Variants in ATXN2 observed in about 807,000 individuals in gnomAD.
ATXN2 encodes ataxin-2.
Under a neutral mutation model 138.6 loss-of-function variants are expected in ATXN2, and 37 were observed. That is an observed-to-expected ratio of 0.27 (90% CI 0.21 to 0.35). The LOEUF is 0.35. Among genes scored for constraint, ATXN2 ranks in the 10% least tolerant of loss-of-function variants. The probability of loss-of-function intolerance (pLI) is 1.00; values close to 1 mark genes in which losing one functional copy is unlikely to be tolerated. For missense variants in ATXN2, 1,216 were observed against 1,480.3 expected (o/e 0.82, Z 2.93); for synonymous variants, 549 against 543.7 (o/e 1.01, Z -0.13).
intron 14 of ATXN2, among the ~76,000 whole-genome samples, chr12:111,492,412 A>G (rs905403801): frequency 6.6e-6 from 1 of 152,250 alleles, no homozygotes; most frequent in Non-Finnish European, 1.5e-5. Context: ...AGCCGGATGC[A>G]GTGGCTAACG....
chr12:111,571,684 T>C (rs1266390689), intron 1 of ATXN2, among the ~76,000 whole-genome samples: 3 of 152,144 alleles, frequency 2.0e-5, no homozygotes, highest in African/African-American at 7.2e-5. Context: ...CCATGGCCTA[T>C]TTTCACATGG....
At chr12:111,517,377 T>C (rs1566037699) in intron 9 of ATXN2, among the ~76,000 whole-genome samples, 1 of 152,184 alleles carries the variant, frequency 6.6e-6, no homozygotes. Context: ...AGTGTCCATT[T>C]GGAGAGGAAT....
At chr12:111,454,843 A>G in intron 23 of ATXN2, 1 of 525,724 alleles carries the variant, frequency 1.9e-6, no homozygotes, top group Non-Finnish European at 3.4e-6. Context: ...ATGCCTACTT[A>G]GCCACCAGCC....
intron 3 of ATXN2, among the ~76,000 whole-genome samples, chr12:111,553,736 G>T (rs929198792): frequency 6.6e-6 from 1 of 151,206 alleles, no homozygotes; most frequent in African/African-American, 2.4e-5. Context: ...AAGTCACTAG[G>T]ACTACAGGCA....
At position 111,598,347 on chromosome 12, in the gene ATXN2, T is replaced by TC; in HGVS notation, c.251+436dup. 2.0e-6 allele frequency: 2 copies of TC among 990,348 alleles called. No homozygotes were observed. The highest frequency in any genetic ancestry group is 2.4e-6 in the Non-Finnish European group (2 of 832,804). The allele number at this position is 990,348 out of a possible 1,614,324, so 61.3% of individuals were successfully genotyped here. A position where few individuals can be genotyped will look rare whatever the true frequency, so the allele number is the denominator to read the frequency against. ...ATGTCCCCCATGGAGGGGGACATGT[T>TC]CCGGAAAACGCCACCACAGCCTCCA... is the stretch of plus-strand genomic sequence containing the variant. On this transcript the variant is annotated intron_variant, in intron 1 of 24. Transcript: ENST00000673436. This position sits in a 1 kb window ranked among gnomAD's most constrained non-coding sequence, Gnocchi z 4.5.
chr12:111,581,679 T>C (rs1884014174), intron 1 of ATXN2: 1 of 697,292 alleles, frequency 1.4e-6, no homozygotes, highest in Non-Finnish European at 2.7e-6. Flanking sequence ...GCCTATGCCT[T>C]TACCGCCAAG....
At chr12:111,589,608 CCAA>C (rs1884543397) in intron 1 of ATXN2, among the ~76,000 whole-genome samples, 1 of 141,412 alleles carries the variant, frequency 7.1e-6, no homozygotes, top group Non-Finnish European at 1.5e-5. Flanking sequence ...CCCATCTCTA[CCAA>C]TAATACAAAA....
chr12:111,563,771 A>C (rs961997112), intron 1 of ATXN2, among the ~76,000 whole-genome samples: 1 of 152,206 alleles, frequency 6.6e-6, no homozygotes, highest in Non-Finnish European at 1.5e-5. Flanking sequence ...AACTCTATTT[A>C]ATGCATTGTC....
At chr12:111,544,371 C>T (rs190688199) in intron 5 of ATXN2, among the ~76,000 whole-genome samples, 80 of 152,284 alleles carry the variant, frequency 5.3e-4, no homozygotes, top group Non-Finnish European at 8.7e-4. Flanking sequence ...TGTATTAAGG[C>T]ACTGAATTTC....
Position 111,520,187 on chromosome 12 carries a change from G to A in ATXN2, c.789-111C>T, listed in dbSNP as rs7134907. 0.02 allele frequency: 27,412 copies of A among 1,344,396 alleles called. 4,345 individuals carry two copies. The African/African-American group carries it at 0.35, about 17-fold the overall frequency. 83.3% of individuals were successfully genotyped at this position (1,344,396 alleles called of 1,614,324 possible). A position where few individuals can be genotyped will look rare whatever the true frequency, so the allele number is the denominator to read the frequency against. ...AGAGTTTAGAATACTGGTAAAAACAGAAACTAAAACTAAAACTAAAACTAA... is the reference window on the plus strand; with the variant it reads ...AGAGTTTAGAATACTGGTAAAAACAAAAACTAAAACTAAAACTAAAACTAA... On this transcript the variant is annotated intron_variant, in intron 7 of 24. Coordinates refer to ENST00000673436, the MANE Select transcript of ATXN2 (RefSeq NM_001372574.1).
At chr12:111,485,447 C>A in intron 17 of ATXN2, 116 bp from the exon 18 acceptor site, 1 of 1,083,322 alleles carries the variant, frequency 9.2e-7, no homozygotes, top group Non-Finnish European at 1.3e-6. Flanking sequence ...TCCTGATTCT[C>A]CATTAGTCAT....
At chr12:111,472,289 A>G (rs1465709586) in intron 18 of ATXN2, among the ~76,000 whole-genome samples, 2 of 152,196 alleles carry the variant, frequency 1.3e-5, no homozygotes, top group Non-Finnish European at 2.9e-5. Flanking sequence ...GGTAGGGGAC[A>G]GGAGGGGAAG....
chr12:111,514,440 T>A (rs568757148), intron 10 of ATXN2, among the ~76,000 whole-genome samples: 1 of 152,314 alleles, frequency 6.6e-6, no homozygotes, highest in Non-Finnish European at 1.5e-5. Context: ...TTCCCTAATG[T>A]CAAAGCCAAA....
intron 5 of ATXN2, among the ~76,000 whole-genome samples, chr12:111,543,686 T>G (rs1881655310): frequency 6.6e-6 from 1 of 152,192 alleles, no homozygotes; most frequent in Non-Finnish European, 1.5e-5. Flanking sequence ...CCATTTTTCT[T>G]GAATTTATTC....
chr12:111,463,570 T>C (rs1353373350), intron 21 of ATXN2, among the ~76,000 whole-genome samples: 1 of 151,830 alleles, frequency 6.6e-6, no homozygotes, highest in Non-Finnish European at 1.5e-5. Flanking sequence ...AGCCACCACG[T>C]CCGGCCCTTA....
chr12:111,583,766 C>CAAAAAA (rs748838859), intron 1 of ATXN2, among the ~76,000 whole-genome samples: 33 of 58,032 alleles, frequency 5.7e-4, no homozygotes, highest in South Asian at 2.1e-3. Context: ...GACTCCGACT[C>CAAAAAA]AAAAAAAAAA....
chr12:111,496,752 A>G (rs1295154275), intron 14 of ATXN2, among the ~76,000 whole-genome samples: 1 of 152,144 alleles, frequency 6.6e-6, no homozygotes, highest in Non-Finnish European at 1.5e-5. Context: ...CAATAAGAGG[A>G]ATGTTTACAG....
rs569527467 is a variant in ATXN2, at chr12:111,556,458, T to G, written c.252-539A>C. Among the ~76,000 whole-genome samples the G allele has an allele frequency of 4.6e-5, 7 of 152,270 alleles. No homozygotes were observed. In the East Asian group the frequency reaches 1.4e-3, roughly 29 times the overall value. On this transcript the variant is annotated intron_variant, in intron 1 of 24. Coordinates refer to ENST00000673436, the MANE Select transcript of ATXN2 (RefSeq NM_001372574.1). ...AGCAAAACACGGATTATATTCTTGA[T>G]TTAACCAACACAGATGACTGACACC...
chr12:111,470,500 A>T, intron 19 of ATXN2, 58 bp downstream of exon 19: 1 of 1,570,172 alleles, frequency 6.4e-7, no homozygotes, highest in South Asian at 1.1e-5. Flanking sequence ...TCCCTTTACC[A>T]TATTAAAAGT....
Sources: gnomAD v4.1 joint callset for allele counts (sites outside exome capture counted in the v4.1 genomes callset) on GRCh38, gnomAD v4.1.1 for gene constraint, Gnocchi (gnomAD v3.1) non-coding constraint, MANE v1.5 for transcripts, NCBI Gene and HGNC (gene_info 2026-07-23, HGNC 2026-07-21) for gene names.